The following SH3RF2 variants were observed in gnomAD, a reference collection of about 807,000 sequenced individuals.
The protein encoded by SH3RF2 is SH3 domain containing ring finger 2, also known as E3 ubiquitin-protein ligase SH3RF2.
Under a neutral mutation model 59.0 loss-of-function variants are expected in SH3RF2, and 43 were observed. That is an observed-to-expected ratio of 0.73 (90% CI 0.57 to 0.94). The LOEUF (loss-of-function observed/expected upper bound fraction) is 0.94. Ranked by LOEUF, SH3RF2 falls within the 40% of genes least tolerant of loss-of-function variation. The probability of loss-of-function intolerance (pLI) is 0.00; values close to 1 mark genes in which losing one functional copy is unlikely to be tolerated. For synonymous variants in SH3RF2, 391 were observed against 391.5 expected (o/e 1.00, Z 0.01); for missense variants, 930 against 940.1 (o/e 0.99, Z 0.14).
chr5:146,064,023 G>A (rs1762985858), downstream of SH3RF2, among the ~76,000 whole-genome samples: 1 of 152,098 alleles, frequency 6.6e-6, no homozygotes, highest in South Asian at 2.1e-4. Context: ...CACTCACAAG[G>A]CAACAACACC....
chr5:146,066,602 G>A (rs1763110956), downstream of SH3RF2, among the ~76,000 whole-genome samples: 1 of 152,174 alleles, frequency 6.6e-6, no homozygotes, highest in Non-Finnish European at 1.5e-5. Flanking sequence ...AGTCTTGGAA[G>A]TAGAACACAG....
intron 2 of SH3RF2, among the ~76,000 whole-genome samples, chr5:145,945,610 G>A (rs1423915157): frequency 6.6e-6 from 1 of 152,168 alleles, no homozygotes; most frequent in Admixed American, 6.6e-5. Flanking sequence ...TTCTGGGCAT[G>A]TGGACCTAGA....
intron 5 of SH3RF2, among the ~76,000 whole-genome samples, chr5:146,046,866 C>T (rs1020667753): frequency 6.6e-6 from 1 of 151,958 alleles, no homozygotes; most frequent in South Asian, 2.1e-4. Flanking sequence ...CAGGCTCAAG[C>T]GAACTTCCCA....
intron 2 of SH3RF2, among the ~76,000 whole-genome samples, chr5:145,949,851 T>G (rs552075646): frequency 1.4e-3 from 206 of 152,362 alleles, no homozygotes; most frequent in African/African-American, 4.8e-3. Flanking sequence ...CATATTTCTT[T>G]TTATTGTTTT....
intron 2 of SH3RF2, among the ~76,000 whole-genome samples, chr5:145,993,503 A>G (rs540992404): frequency 5.8e-4 from 88 of 152,280 alleles, no homozygotes; most frequent in East Asian, 1.2e-3. Context: ...AGGTGTTTCC[A>G]TACATCTTCT....
chr5:145,972,899 C>T (rs758372173), intron 2 of SH3RF2, among the ~76,000 whole-genome samples: 2 of 152,152 alleles, frequency 1.3e-5, no homozygotes, highest in Non-Finnish European at 2.9e-5. Context: ...TTTGCTGTTG[C>T]AGTCACAGTA....
intron 2 of SH3RF2, among the ~76,000 whole-genome samples, chr5:145,960,833 GAC>G (rs1279427623): frequency 6.6e-6 from 1 of 152,140 alleles, no homozygotes; most frequent in Non-Finnish European, 1.5e-5. Flanking sequence ...GGCACATAAA[GAC>G]ACATTAGCAG....
intron 5 of SH3RF2, among the ~76,000 whole-genome samples, chr5:146,046,073 G>A (rs1371415896): frequency 1.3e-5 from 2 of 152,092 alleles, no homozygotes; most frequent in East Asian, 1.9e-4. Flanking sequence ...ATACATTTAC[G>A]CAATCATTGA....
At chr5:145,974,646 GA>G (rs1037735945) in intron 2 of SH3RF2, among the ~76,000 whole-genome samples, 2 of 152,150 alleles carry the variant, frequency 1.3e-5, no homozygotes, top group African/African-American at 4.8e-5. Flanking sequence ...ACTTACAAAA[GA>G]AAACTAGAAT....
In SH3RF2 at chr5:145,997,681, T is replaced by C. The variant is rs760734344; in HGVS notation, c.379-2377T>C. ...TGCTACCCAGTTCAGTCAGTAATAA[T>C]TGCTAAGGTAACAGGGAAAAAGGTA... On this transcript the variant is annotated intron_variant, in intron 2 of 9. Coordinates refer to ENST00000359120, the MANE Select transcript of SH3RF2 (RefSeq NM_152550.4). The C allele has an allele frequency of 5.7e-5, 89 of 1,563,132 alleles. No individual in the cohort carries two copies. The Admixed American group carries it at 9.3e-4, about 16-fold the overall frequency.
At position 145,966,570 on chromosome 5, in the gene SH3RF2, G is replaced by C. The variant is rs961850935; in HGVS notation, c.378+28264G>C. Among the ~76,000 whole-genome samples the C allele has an allele frequency of 1.3e-5, 2 of 152,176 alleles. 1 individual carries two copies. Among genetic ancestry groups the C allele is most frequent in the South Asian group, 4.1e-4 (2 of 4,820 alleles). ...GAGAACTGCCAAGACAGGGGTTCTAGTTCACGAGAATTAAAATACACATTC... is the reference window on the plus strand; with the variant it reads ...GAGAACTGCCAAGACAGGGGTTCTACTTCACGAGAATTAAAATACACATTC... On this transcript the variant is annotated intron_variant, in intron 2 of 9. Coordinates refer to ENST00000359120, the MANE Select transcript of SH3RF2 (RefSeq NM_152550.4).
intron 2 of SH3RF2, among the ~76,000 whole-genome samples, chr5:145,996,655 A>G (rs1193333501): frequency 3.9e-5 from 6 of 152,194 alleles, no homozygotes; most frequent in Admixed American, 3.3e-4. Flanking sequence ...TGATTACACA[A>G]AAGGAAAGAA....
intron 2 of SH3RF2, among the ~76,000 whole-genome samples, chr5:145,970,122 T>C (rs957203218): frequency 2.6e-5 from 4 of 152,114 alleles, no homozygotes; most frequent in African/African-American, 9.7e-5. Flanking sequence ...TATTGTTCCA[T>C]TTTATTTTTT....
At chr5:145,952,058 T>C (rs2149946890) in intron 2 of SH3RF2, among the ~76,000 whole-genome samples, 1 of 152,312 alleles carries the variant, frequency 6.6e-6, no homozygotes, top group Middle Eastern at 3.4e-3. Context: ...CAAATACACT[T>C]GAGGACTGGC....
At chr5:145,976,771 A>G (rs1270636548) in intron 2 of SH3RF2, among the ~76,000 whole-genome samples, 2 of 152,244 alleles carry the variant, frequency 1.3e-5, no homozygotes, top group Non-Finnish European at 2.9e-5. Context: ...GCCATCGATT[A>G]ATAGCTGGGC....
intron 5 of SH3RF2, among the ~76,000 whole-genome samples, chr5:146,018,722 G>A (rs544417189): frequency 6.6e-6 from 1 of 152,220 alleles, no homozygotes; most frequent in Admixed American, 6.5e-5. Flanking sequence ...TTTCCATAGA[G>A]GTTAAACTAA....
At position 146,060,241 on chromosome 5, in the gene SH3RF2, A is replaced by C. The variant is rs765045393; in HGVS notation, c.1914+17A>C. 2 of 1,576,162 alleles carry C rather than the reference A, an allele frequency of 1.3e-6. No individual in the cohort carries two copies. Among genetic ancestry groups the C allele is most frequent in the Non-Finnish European group, 1.7e-6 (2 of 1,159,136 alleles). ...ATCGAAAAGGTAGGATCAGAGTGAC[A>C]TTGGGGGCCCAACTCTTTCGATCCC... On this transcript the variant is annotated intron_variant, in intron 9 of 9. Transcript: ENST00000359120.
chr5:146,079,580 CT>C (rs1445637272), exon 10 of SH3RF2: 1 of 152,192 alleles, frequency 6.6e-6, no homozygotes, highest in Non-Finnish European at 1.5e-5. Flanking sequence ...TCATCCAGCC[CT>C]GCTTGTAAAC....
intron 2 of SH3RF2, among the ~76,000 whole-genome samples, chr5:145,960,613 T>C (rs116060874): frequency 3.3e-4 from 50 of 152,320 alleles, no homozygotes; most frequent in African/African-American, 1.2e-3. Flanking sequence ...GAAATATTTC[T>C]TCCCTGAACT....
Sources: gnomAD v4.1 joint callset for allele counts (sites outside exome capture counted in the v4.1 genomes callset) on GRCh38, gnomAD v4.1.1 for gene constraint, MANE v1.5 for transcripts, NCBI Gene and HGNC (gene_info 2026-07-23, HGNC 2026-07-21) for gene names.